Variants in ULK4 observed in about 807,000 individuals in gnomAD.
ULK4 encodes the protein inactive serine/threonine-protein kinase ULK4.
A neutral mutation model predicts 160.6 loss-of-function variants in ULK4; 133 were observed. The ratio of observed to expected loss-of-function variants is 0.83; its 90% CI spans 0.72 to 0.96. The LOEUF is 0.96. ULK4 is among the 40% of genes least tolerant of loss of function. The pLI is 0.00. For missense variants in ULK4, 1,580 were observed against 1,499.5 expected (o/e 1.05, Z -0.89); for synonymous variants, 534 against 539.8 (o/e 0.99, Z 0.15).
intron 2 of ULK4, among the ~76,000 whole-genome samples, chr3:41,954,019 T>C (rs1188706832): frequency 1.3e-5 from 2 of 151,562 alleles, no homozygotes; most frequent in Non-Finnish European, 2.9e-5. Context: ...CCGTCTTTAC[T>C]AAAAATACAA....
chr3:41,705,407 T>C, intron 25 of ULK4, 102 bp from the exon 26 acceptor site: 1 of 765,498 alleles, frequency 1.3e-6, no homozygotes, highest in Non-Finnish European at 2.1e-6. Context: ...TTGTTTTTAA[T>C]AACTCATAGA....
intron 34 of ULK4, among the ~76,000 whole-genome samples, chr3:41,438,262 CAT>C (rs979626589): frequency 6.6e-6 from 1 of 152,038 alleles, no homozygotes; most frequent in Non-Finnish European, 1.5e-5. Flanking sequence ...TAAAGTGTGA[CAT>C]AAATCAGACC....
At chr3:41,752,927 T>C (rs2038679811) in intron 22 of ULK4, among the ~76,000 whole-genome samples, 1 of 152,178 alleles carries the variant, frequency 6.6e-6, no homozygotes, top group Non-Finnish European at 1.5e-5. Flanking sequence ...ATAAAAAACA[T>C]GTGGGCTGGG....
chr3:41,579,527 T>G (rs999171456), intron 31 of ULK4, among the ~76,000 whole-genome samples: 2 of 140,350 alleles, frequency 1.4e-5, no homozygotes, highest in African/African-American at 5.4e-5. Flanking sequence ...GGAGTTTCGC[T>G]CTGTCGCCCA....
At chr3:41,456,090 A>T (rs982318307) in intron 33 of ULK4, among the ~76,000 whole-genome samples, 10 of 152,130 alleles carry the variant, frequency 6.6e-5, no homozygotes, top group Non-Finnish European at 4.4e-5. Flanking sequence ...TTGTATTTTT[A>T]GTAGAGACGG....
chr3:41,859,594 T>C (rs1177855842), intron 17 of ULK4: 8 of 524,424 alleles, frequency 1.5e-5, no homozygotes, highest in East Asian at 5.3e-5. Flanking sequence ...ATAATATGCA[T>C]GGTCACTGCC....
chr3:41,650,538 G>C (rs2034698058), intron 30 of ULK4, among the ~76,000 whole-genome samples: 1 of 152,200 alleles, frequency 6.6e-6, no homozygotes, highest in African/African-American at 2.4e-5. Context: ...CTGGCACTTG[G>C]AGCTGCCCAC....
rs2078652846 is a variant in ULK4, at chr3:41,246,870, T to C, written c.*59A>G. The stretch of plus-strand genomic sequence containing the variant: ...TGGCAAAGGTGTCTGGGAGCTGACC[T>C]TGCTTATGCATCCGAGGGCTGGGGC... On this transcript the variant is annotated 3_prime_UTR_variant, in exon 37 of 37. Transcript: ENST00000301831. 2 of 1,587,462 alleles carry C rather than the reference T, an allele frequency of 1.3e-6. No homozygotes were observed. Among genetic ancestry groups the C allele is most frequent in the South Asian group, 1.1e-5 (1 of 88,218 alleles).
At chr3:41,897,970 A>T (rs983681868) in intron 14 of ULK4, among the ~76,000 whole-genome samples, 1 of 152,154 alleles carries the variant, frequency 6.6e-6, no homozygotes, top group East Asian at 1.9e-4. Context: ...GAAATGTAAT[A>T]ATTATCCCTT....
chr3:41,841,320 G>A (rs1304757870), intron 17 of ULK4, among the ~76,000 whole-genome samples: 2 of 146,506 alleles, frequency 1.4e-5, no homozygotes, highest in South Asian at 2.3e-4. Flanking sequence ...GCCCCGTCTG[G>A]GAGGTGAGGG....
intron 21 of ULK4, among the ~76,000 whole-genome samples, chr3:41,783,089 CAT>C (rs2039903407): frequency 6.6e-6 from 1 of 151,060 alleles, no homozygotes; most frequent in Non-Finnish European, 1.5e-5. Flanking sequence ...TCAACGCGTA[CAT>C]GTGTATATGT....
Position 41,830,944 on chromosome 3 carries a change from G to A in ULK4, c.1764+4920C>T, listed in dbSNP as rs779736253. 2.6e-4 allele frequency among the ~76,000 whole-genome samples: 39 copies of A among 152,030 alleles called. No homozygotes were observed. In the Middle Eastern group the frequency reaches 0.01, roughly 40 times the overall value. ...TCCAGCCCTATCCCCAAAGAACTGC[G>A]AGGAAAAGTGCCTTTCACAAAACTT... On this transcript the variant is annotated intron_variant, in intron 18 of 36. Coordinates refer to ENST00000301831, the MANE Select transcript of ULK4 (RefSeq NM_017886.4).
rs1238854739 is a variant in ULK4, at chr3:41,750,986, A to C, written c.2321+3375T>G. 6.0e-4 allele frequency among the ~76,000 whole-genome samples: 77 copies of C among 127,774 alleles called. 1 individual carries two copies. Among genetic ancestry groups the C allele is most frequent in the African/African-American group, 1.8e-3 (61 of 33,540 alleles). 83.8% of individuals were successfully genotyped at this position (127,774 alleles called of 152,430 possible). ...CAAAAAAAAAAAAGAGAGAGAGAGA[A>C]AGAGAGAGAGAGAGGAAGGGAGGGA... On this transcript the variant is annotated intron_variant, in intron 22 of 36. Transcript: ENST00000301831.
At chr3:41,319,074 C>T (rs1327124621) in intron 35 of ULK4, among the ~76,000 whole-genome samples, 1 of 152,136 alleles carries the variant, frequency 6.6e-6, no homozygotes, top group African/African-American at 2.4e-5. Flanking sequence ...GTATTTCTTG[C>T]ATGACTTCTA....
chr3:41,487,771 A>T (rs761632251), intron 32 of ULK4, among the ~76,000 whole-genome samples: 1 of 152,214 alleles, frequency 6.6e-6, no homozygotes, highest in East Asian at 1.9e-4. Flanking sequence ...ACAATGATAC[A>T]TCTGACAATA....
intron 19 of ULK4, among the ~76,000 whole-genome samples, chr3:41,807,160 T>C (rs1575743372): frequency 6.6e-6 from 1 of 151,932 alleles, no homozygotes; most frequent in East Asian, 1.9e-4. Flanking sequence ...CACACATACA[T>C]TAAATATCTG....
intron 20 of ULK4, among the ~76,000 whole-genome samples, chr3:41,793,720 T>C (rs1398363588): frequency 6.6e-6 from 1 of 152,208 alleles, no homozygotes; most frequent in Non-Finnish European, 1.5e-5. Context: ...CTTTACTCAA[T>C]CTAACTCTAC....
chr3:41,711,568 C>G (rs1472159280), intron 25 of ULK4, among the ~76,000 whole-genome samples: 1 of 152,076 alleles, frequency 6.6e-6, no homozygotes, highest in Non-Finnish European at 1.5e-5. Context: ...CAGCTGAAGC[C>G]AATATCTATC....
intron 35 of ULK4, among the ~76,000 whole-genome samples, chr3:41,276,274 C>T (rs1197812683): frequency 6.6e-6 from 1 of 152,232 alleles, no homozygotes. Context: ...CTCCTTTCTT[C>T]AGAGCTCTGA....
Sources: allele counts gnomAD v4.1 joint callset (sites outside exome capture counted in the v4.1 genomes callset), GRCh38; gene constraint gnomAD v4.1.1; transcripts MANE v1.5; gene names NCBI Gene and HGNC (gene_info 2026-07-23, HGNC 2026-07-21).